The following MTA1 variants were observed in gnomAD, a reference collection of about 807,000 sequenced individuals.
MTA1 encodes the protein metastasis associated 1, also known as metastasis-associated protein MTA1.
MTA1 carries 15 observed loss-of-function variants against 97.0 expected under a neutral mutation model. The observed-to-expected ratio is 0.15, with a 90% CI of 0.10 to 0.24. MTA1 has a LOEUF of 0.24. Among genes scored for constraint, MTA1 ranks in the 10% least tolerant of loss-of-function variants. MTA1 has a pLI of 1.00. For synonymous variants in MTA1, 435 were observed against 417.5 expected (o/e 1.04, Z -0.51); for missense variants, 709 against 1,015.1 (o/e 0.70, Z 4.10).
intron 8 of MTA1, 69 bp from the exon 9 acceptor site, chr14:105,460,289 G>C: frequency 6.3e-6 from 9 of 1,426,776 alleles, no homozygotes; most frequent in Non-Finnish European, 8.5e-6. Context: ...CCTGGCGCCT[G>C]GGGAGCGGTG....
chr14:105,432,375 G>A (rs1463726003), intron 1 of MTA1, among the ~76,000 whole-genome samples: 1 of 152,062 alleles, frequency 6.6e-6, no homozygotes, highest in Non-Finnish European at 1.5e-5. Flanking sequence ...CAAGTAGCTG[G>A]GATTACAGGC....
chr14:105,466,432 ACCCCCGCC>A lies in MTA1; in HGVS notation c.1637_1644del (p.Arg546GlnfsTer3). On this transcript the variant is annotated frameshift_variant, in exon 17 of 21. Transcript: ENST00000331320. LOFTEE classifies it high-confidence loss of function. ...CCTGTGTCATTCCCGGCAGAGACCC[ACCCCCGCC>A]CCCCCAAGCCTGACCCCGTGAAAAG... 1 of 724,462 alleles carries A rather than the reference ACCCCCGCC, an allele frequency of 1.4e-6. No homozygotes were observed. Among genetic ancestry groups the A allele is most frequent in the Non-Finnish European group, 2.3e-6 (1 of 433,662 alleles). 44.9% of individuals were successfully genotyped at this position (724,462 alleles called of 1,614,324 possible). A position where few individuals can be genotyped will look rare whatever the true frequency, so the allele number is the denominator to read the frequency against.
Position 105,470,209 on chromosome 14 carries a change from G to T in MTA1, c.2142G>T (p.Glu714Asp). 6.3e-7 allele frequency: 1 copy of T among 1,590,972 alleles called. No individual in the cohort carries two copies. Among genetic ancestry groups the T allele is most frequent in the Non-Finnish European group, 8.5e-7 (1 of 1,171,520 alleles). Residue 714 changes from glutamate to aspartate, a missense_variant, in exon 21 of 21, where the codon GAG becomes GAT. Coordinates refer to ENST00000331320, the MANE Select transcript of MTA1 (RefSeq NM_004689.4). The stretch of plus-strand genomic sequence containing the variant: ...TCAACGACGAGCCCATCGTCATCGA[G>T]GACTAGGGGCCGCCCCCACCTGCGG... The part of the protein sequence containing the change: ...APVNDEPIVI[E>D]D
chr14:105,452,150 T>G (rs1555428897), intron 6 of MTA1, among the ~76,000 whole-genome samples: 1 of 152,224 alleles, frequency 6.6e-6, no homozygotes. Context: ...GAATTTAATG[T>G]AACAGGCTCA....
chr14:105,455,756 G>A (rs907584828), intron 7 of MTA1, among the ~76,000 whole-genome samples: 4 of 152,190 alleles, frequency 2.6e-5, no homozygotes, highest in Non-Finnish European at 5.9e-5. Flanking sequence ...CATTGGGCTC[G>A]TGGGCCTGCT....
chr14:105,466,930 C>T lies in MTA1; in HGVS notation c.1813+188C>T, dbSNP rs2083616245. The T allele has an allele frequency of 4.7e-6, 3 of 639,642 alleles. No homozygotes were observed. In the African/African-American group the frequency reaches 5.6e-5, roughly 12 times the overall value. The allele number at this position is 639,642 out of a possible 1,614,324, so 39.6% of individuals were successfully genotyped here. ...GTCCCTTGGTGAAGACCCCCCGAGC[C>T]CAGGCATCTGGCCCTCGGCCCCCTG... is the stretch of plus-strand genomic sequence containing the variant. On this transcript the variant is annotated intron_variant, in intron 18 of 20. Coordinates refer to ENST00000331320, the MANE Select transcript of MTA1 (RefSeq NM_004689.4).
intron 7 of MTA1, 55 bp downstream of exon 7, chr14:105,454,365 T>A (rs1366157804): frequency 7.8e-6 from 10 of 1,282,896 alleles, no homozygotes; most frequent in Middle Eastern, 2.1e-4. Context: ...TCCTGCCGGG[T>A]GACACACTGG....
At chr14:105,454,165 CCT>C in intron 6 of MTA1, 26 bp from the exon 7 acceptor site, 1 of 1,563,628 alleles carries the variant, frequency 6.4e-7, no homozygotes, top group Non-Finnish European at 8.8e-7. Context: ...TGTGCTGACG[CCT>C]CTCTGTCTCC....
Position 105,464,666 on chromosome 14 carries a change from T to C in MTA1, c.1345-8T>C, listed in dbSNP as rs2141683935. ...GCTGTGTTGGGGCGGTTGCGCCCCC[T>C]TCCGCAGAGTCCCCACGGCCTCCCA... On this transcript the variant is annotated splice_polypyrimidine_tract_variant and splice_region_variant and intron_variant, in intron 14 of 20. Coordinates refer to ENST00000331320, the MANE Select transcript of MTA1 (RefSeq NM_004689.4). The C allele has an allele frequency of 6.2e-7, 1 of 1,602,470 alleles. No individual in the cohort carries two copies.
intron 16 of MTA1, chr14:105,465,985 GC>G: frequency 4.7e-6 from 1 of 211,774 alleles, no homozygotes; most frequent in Non-Finnish European, 9.5e-6. Flanking sequence ...TGGTGTCAGG[GC>G]TGGTCCTCAG....
chr14:105,432,893 A>C (rs1384925371), intron 1 of MTA1, among the ~76,000 whole-genome samples: 1 of 152,148 alleles, frequency 6.6e-6, no homozygotes, highest in Non-Finnish European at 1.5e-5. Context: ...TGCGACTTCC[A>C]TGCGAGTGCA....
At position 105,466,295 on chromosome 14, in the gene MTA1, G is replaced by A. The variant is rs1221262830; in HGVS notation, c.1625-131G>A. On this transcript the variant is annotated intron_variant, in intron 16 of 20. Coordinates refer to ENST00000331320, the MANE Select transcript of MTA1 (RefSeq NM_004689.4). ...CCACTTCCAGCCCAGTCAGGATGGG[G>A]CCTCGGGTGGGGGCCGCATGGGGCT... The A allele has an allele frequency of 5.2e-5, 40 of 767,214 alleles. No homozygotes were observed. In the Admixed American group the frequency reaches 9.8e-4, roughly 19 times the overall value. The allele number at this position is 767,214 out of a possible 1,614,324, so 47.5% of individuals were successfully genotyped here. A position where few individuals can be genotyped will look rare whatever the true frequency, so the allele number is the denominator to read the frequency against.
chr14:105,441,523 A>AC (rs2082514657), intron 2 of MTA1, among the ~76,000 whole-genome samples: 1 of 152,178 alleles, frequency 6.6e-6, no homozygotes, highest in African/African-American at 2.4e-5. Context: ...GGCTGGACGC[A>AC]GGGGCTCACG....
intron 17 of MTA1, 34 bp from the exon 18 acceptor site, chr14:105,466,673 C>T (rs1555432970): frequency 6.9e-6 from 11 of 1,604,208 alleles, no homozygotes; most frequent in Middle Eastern, 1.8e-4. Flanking sequence ...CTGACGCTGT[C>T]TTCTCTCCCT....
rs755424601 is a variant in MTA1, at chr14:105,463,056, C to T, written c.943-128C>T. The T allele has an allele frequency of 6.5e-5, 59 of 907,072 alleles. No individual in the cohort carries two copies. Among genetic ancestry groups the T allele is most frequent in the Non-Finnish European group, 9.6e-5 (55 of 574,366 alleles). The allele number at this position is 907,072 out of a possible 1,614,324, so 56.2% of individuals were successfully genotyped here. A position where few individuals can be genotyped will look rare whatever the true frequency, so the allele number is the denominator to read the frequency against. ...CCAGCAGGGGCCTGGCCTCCGTGCA[C>T]CAAGCACACCTCGCCCTCTGGCCTC... On this transcript the variant is annotated intron_variant, in intron 10 of 20. Coordinates refer to ENST00000331320, the MANE Select transcript of MTA1 (RefSeq NM_004689.4). This position sits in a 1 kb window ranked among gnomAD's most constrained non-coding sequence, Gnocchi z 5.9.
At position 105,420,194 on chromosome 14, in the gene MTA1, T is replaced by G. The variant is rs2081779287; in HGVS notation, c.28+131T>G. 1 of 376,040 alleles carries G rather than the reference T, an allele frequency of 2.7e-6. No individual in the cohort carries two copies. The highest frequency in any genetic ancestry group is 3.6e-6 in the Non-Finnish European group (1 of 274,610). 23.3% of individuals were successfully genotyped at this position (376,040 alleles called of 1,614,324 possible). On this transcript the variant is annotated intron_variant, in intron 1 of 20. Transcript: ENST00000331320. The surrounding 1 kb of genome is among the most constrained non-coding windows in gnomAD (Gnocchi z 5.3). ...GCCCGCCCTCGCGGCCCCCGGCTCCTTCCCGAACCGCCCCCCGCCGTGCTC... is the reference window on the plus strand; with the variant it reads ...GCCCGCCCTCGCGGCCCCCGGCTCCGTCCCGAACCGCCCCCCGCCGTGCTC...
chr14:105,454,300 G>A lies in MTA1; in HGVS notation c.540G>A (p.Leu180=). 1 of 1,612,772 alleles carries A rather than the reference G, an allele frequency of 6.2e-7. No individual in the cohort carries two copies. The highest frequency in any genetic ancestry group is 8.5e-7 in the Non-Finnish European group (1 of 1,179,044). Residue 180 remains leucine, a synonymous_variant, in exon 7 of 21, where the codon TTG becomes TTA. Coordinates refer to ENST00000331320, the MANE Select transcript of MTA1 (RefSeq NM_004689.4). ...GNRYQADITD[L]LKEGEEDGRD... ...GGTACCAGGCAGACATCACCGACTT[G>A]TTAAAAGAAGGTAGGGTGGGCCGCC... is the stretch of plus-strand genomic sequence containing the variant.
chr14:105,440,395 C>T (rs587682107), intron 2 of MTA1, among the ~76,000 whole-genome samples: 35 of 152,356 alleles, frequency 2.3e-4, no homozygotes, highest in African/African-American at 7.7e-4. Context: ...GCACTGCTGG[C>T]CCCACACAGC....
chr14:105,437,515 G>C (rs1251740019), intron 1 of MTA1, among the ~76,000 whole-genome samples: 3 of 151,938 alleles, frequency 2.0e-5, no homozygotes, highest in Non-Finnish European at 4.4e-5. Context: ...GTCCTCACTG[G>C]CGTGTCCTCA....
Sources: allele counts gnomAD v4.1 joint callset (sites outside exome capture counted in the v4.1 genomes callset), GRCh38; gene constraint gnomAD v4.1.1; non-coding constraint Gnocchi (gnomAD v3.1); transcripts MANE v1.5; gene names NCBI Gene and HGNC (gene_info 2026-07-23, HGNC 2026-07-21).